RADIL: variants seen among roughly 807,000 people sequenced by gnomAD.
RADIL encodes ras-associating and dilute domain-containing protein.
RADIL carries 99 observed loss-of-function variants against 97.6 expected under a neutral mutation model. The ratio of observed to expected loss-of-function variants is 1.01; its 90% CI spans 0.86 to 1.20. The LOEUF is 1.20. Ranked by LOEUF, RADIL falls within the 50% of genes most tolerant of loss-of-function variation. The pLI is 0.00. For synonymous variants in RADIL, 803 were observed against 691.8 expected, an observed-to-expected ratio of 1.16 and a Z score of -2.52; for missense variants, 1,765 against 1,498.9, an observed-to-expected ratio of 1.18 and a Z score of -2.93.
chr7:4,874,416 T>C (rs1249377296), intron 2 of RADIL, among the ~76,000 whole-genome samples: 1 of 152,182 alleles, frequency 6.6e-6, no homozygotes. Context: ...AGAGGCTCAA[T>C]AACCGTTCTG....
At chr7:4,865,471 G>A in intron 2 of RADIL, 2 of 768,934 alleles carry the variant, frequency 2.6e-6, no homozygotes, top group Admixed American at 1.8e-5. Context: ...TGGTTAATCT[G>A]GAAGTAATGT....
At chr7:4,876,165 T>G (rs932626790) in intron 2 of RADIL, among the ~76,000 whole-genome samples, 6 of 150,902 alleles carry the variant, frequency 4.0e-5, no homozygotes, top group African/African-American at 1.5e-4. Context: ...ATTTTTTTAT[T>G]TTTTGTAGAG....
chr7:4,860,894 T>C, intron 2 of RADIL: 3 of 1,614,202 alleles, frequency 1.9e-6, no homozygotes, highest in Non-Finnish European at 2.5e-6. Flanking sequence ...ATCACTGGGA[T>C]TTACTCTTGG....
At chr7:4,860,692 C>T in intron 2 of RADIL, 2 of 1,614,046 alleles carry the variant, frequency 1.2e-6, no homozygotes, top group African/African-American at 2.7e-5. Flanking sequence ...CAATATAATG[C>T]TTGTACTTTT....
rs972625183 is a variant in RADIL, at chr7:4,836,442, G to C, written c.699C>G (p.Pro233=). The stretch of plus-strand genomic sequence containing the variant: ...GCATGGCGTCGGGGCCGGGCTCCTC[G>C]GGGCCCTGGGCGGCAGCGGGCAGGG... ...VNALPAAAQG[P]EEPGPDAMRY... The change falls in exon 3 of 15, where the codon CCC becomes CCG. Residue 233 remains proline, a synonymous_variant. Transcript: ENST00000399583. 2 of 1,597,370 alleles carry C rather than the reference G, an allele frequency of 1.3e-6. No individual in the cohort carries two copies. The highest frequency in any genetic ancestry group is 1.7e-5 in the Admixed American group (1 of 57,342).
rs891413130 is a variant in RADIL at position 4,820,593 on chromosome 7, C to G, written c.1615+1801G>C. 2.0e-5 allele frequency among the ~76,000 whole-genome samples: 3 copies of G among 152,176 alleles called. No individual in the cohort carries two copies. The East Asian group carries it at 5.8e-4, about 29-fold the overall frequency. ...CAGGACTGGGGAGACCCTGGCAGAT[C>G]CCCACATCCCCTTCCCTGTGAAGGA... On this transcript the variant is annotated intron_variant, in intron 6 of 14. Coordinates refer to ENST00000399583, the MANE Select transcript of RADIL (RefSeq NM_018059.5).
At position 4,815,947 on chromosome 7, in the gene RADIL, C is replaced by T. The variant is rs1401356188; in HGVS notation, c.1966+281G>A. ...CAGTTCTGGGACAGTCCAATGATGC[C>T]CTGAGCCCGTTCCCTCCCTGTCACG... On this transcript the variant is annotated intron_variant, in intron 8 of 14. Transcript: ENST00000399583. This position sits in a 1 kb window ranked among gnomAD's most constrained non-coding sequence, Gnocchi z 8.0. 1.3e-5 allele frequency among the ~76,000 whole-genome samples: 2 copies of T among 152,158 alleles called. No homozygotes were observed. The highest frequency in any genetic ancestry group is 1.9e-4 in the East Asian group (1 of 5,174).
At position 4,878,669 on chromosome 7, in the gene RADIL, G is replaced by A. The variant is rs770696604; in HGVS notation, c.-64-466C>T. ...CCGAGAGGACTAAACGGGCTGGAGCGCCCTTCAAGGAAAGCCATTACTGGG... is the reference window on the plus strand; with the variant it reads ...CCGAGAGGACTAAACGGGCTGGAGCACCCTTCAAGGAAAGCCATTACTGGG... On this transcript the variant is annotated intron_variant, in intron 1 of 14. Transcript: ENST00000399583. This position sits in a 1 kb window ranked among gnomAD's most constrained non-coding sequence, Gnocchi z 4.1. Among the ~76,000 whole-genome samples the A allele has an allele frequency of 6.6e-6, 1 of 152,254 alleles. No homozygotes were observed. The highest frequency in any genetic ancestry group is 1.9e-4 in the East Asian group (1 of 5,194).
chr7:4,820,786 C>T (rs1782810468), intron 6 of RADIL, among the ~76,000 whole-genome samples: 3 of 152,204 alleles, frequency 2.0e-5, no homozygotes, highest in South Asian at 2.1e-4. Context: ...CTCTGCAGCC[C>T]GGCCCCCGCC....
chr7:4,860,256 A>C, intron 2 of RADIL: 1 of 1,613,966 alleles, frequency 6.2e-7, no homozygotes, highest in South Asian at 1.1e-5. Flanking sequence ...CTGTCGTTCA[A>C]ATCTGTCAAT....
At position 4,824,843 on chromosome 7, in the gene RADIL, CTT is replaced by C. The variant is rs1782930281; in HGVS notation, c.1455-2291_1455-2290del. On this transcript the variant is annotated intron_variant, in intron 5 of 14. Coordinates refer to ENST00000399583, the MANE Select transcript of RADIL (RefSeq NM_018059.5). The surrounding 1 kb of genome is among the most constrained non-coding windows in gnomAD (Gnocchi z 6.7). ...TGGGCTCTTCGGAGACTAATTCCAT[CTT>C]GTTTTCAAAATTTGCTGCCCTTCTC... Among the ~76,000 whole-genome samples, 1 of 152,232 alleles carries C rather than the reference CTT, an allele frequency of 6.6e-6. No homozygotes were observed. The highest frequency in any genetic ancestry group is 1.5e-5 in the Non-Finnish European group (1 of 68,038).
intron 7 of RADIL, among the ~76,000 whole-genome samples, chr7:4,816,764 C>T (rs972774477): frequency 2.6e-5 from 4 of 152,052 alleles, no homozygotes; most frequent in African/African-American, 9.7e-5. Context: ...GGGATGGGCT[C>T]CAACAAAGGG....
chr7:4,857,972 A>AT (rs928841848), intron 2 of RADIL: 3 of 152,592 alleles, frequency 2.0e-5, no homozygotes, highest in African/African-American at 4.8e-5. Flanking sequence ...TAATAAACTA[A>AT]TTTTTTTCCC....
rs774718585 is a variant in RADIL at position 4,860,686 on chromosome 7, A to C, written c.535+16919T>G. 3.7e-6 allele frequency: 6 copies of C among 1,614,150 alleles called. No homozygotes were observed. In the South Asian group the frequency reaches 6.6e-5, roughly 18 times the overall value. ...TTGATGCACTTGCCAGAAGTACAAT[A>C]TAATGCTTGTACTTTTGAAAGAAGC... is the stretch of plus-strand genomic sequence containing the variant. On this transcript the variant is annotated intron_variant, in intron 2 of 14. Coordinates refer to ENST00000399583, the MANE Select transcript of RADIL (RefSeq NM_018059.5).
rs1323699913 is a variant in RADIL, at chr7:4,835,724, C to T, written c.784-485G>A. On this transcript the variant is annotated intron_variant, in intron 3 of 14. Coordinates refer to ENST00000399583, the MANE Select transcript of RADIL (RefSeq NM_018059.5). The surrounding 1 kb of genome is among the most constrained non-coding windows in gnomAD (Gnocchi z 5.8). ...AGGAGCCCTATGGCTGTAAAGTGCT[C>T]ATGGAAATGAGCAGCAAAGGAGCTG... is the stretch of plus-strand genomic sequence containing the variant. Among the ~76,000 whole-genome samples, 2 of 150,694 alleles carry T rather than the reference C, an allele frequency of 1.3e-5. No individual in the cohort carries two copies. Among genetic ancestry groups the T allele is most frequent in the Admixed American group, 1.3e-4 (2 of 15,090 alleles).
chr7:4,831,468 C>T (rs1461567281), intron 5 of RADIL, among the ~76,000 whole-genome samples: 2 of 148,362 alleles, frequency 1.3e-5, no homozygotes, highest in Non-Finnish European at 3.0e-5. Flanking sequence ...ATCATCTGTA[C>T]AACAAGCCCG....
In RADIL at chr7:4,821,449, A is replaced by G. The variant is rs920719521; in HGVS notation, c.1615+945T>C. 1.3e-5 allele frequency among the ~76,000 whole-genome samples: 2 copies of G among 152,136 alleles called. No homozygotes were observed. ...CAGTCCTTAGCAGACACATGAGCCGAAATCCTACCCCGGCTTCCGGGCCCG... is the reference window on the plus strand; with the variant it reads ...CAGTCCTTAGCAGACACATGAGCCGGAATCCTACCCCGGCTTCCGGGCCCG... On this transcript the variant is annotated intron_variant, in intron 6 of 14. Coordinates refer to ENST00000399583, the MANE Select transcript of RADIL (RefSeq NM_018059.5). This position sits in a 1 kb window ranked among gnomAD's most constrained non-coding sequence, Gnocchi z 5.2.
chr7:4,832,011 G>T, intron 5 of RADIL, 130 bp downstream of exon 5: 3 of 947,044 alleles, frequency 3.2e-6, no homozygotes, highest in Non-Finnish European at 4.7e-6. Flanking sequence ...GCCGCTGCTT[G>T]GATGGAAGGA....
rs1322010451 is a variant in RADIL at position 4,798,224 on chromosome 7, A to G, written c.*1154T>C. 4 of 152,020 alleles carry G rather than the reference A, an allele frequency of 2.6e-5. No individual in the cohort carries two copies. Among genetic ancestry groups the G allele is most frequent in the African/African-American group, 9.7e-5 (4 of 41,420 alleles). 9.4% of individuals were successfully genotyped at this position (152,020 alleles called of 1,614,324 possible). On this transcript the variant is annotated 3_prime_UTR_variant, in exon 15 of 15. Coordinates refer to ENST00000399583, the MANE Select transcript of RADIL (RefSeq NM_018059.5). Reference sequence around the variant, plus strand: ...CCAGGCGCAATGCGGAGCCGCACACAGAACTGCGGGTCGGCAGAGGGCGCG... The same window carrying G: ...CCAGGCGCAATGCGGAGCCGCACACGGAACTGCGGGTCGGCAGAGGGCGCG...
Sources: gnomAD v4.1 joint callset for allele counts (sites outside exome capture counted in the v4.1 genomes callset) on GRCh38, gnomAD v4.1.1 for gene constraint, Gnocchi (gnomAD v3.1) non-coding constraint, MANE v1.5 for transcripts, NCBI Gene and HGNC (gene_info 2026-07-23, HGNC 2026-07-21) for gene names.